The following NCALD variants were observed in gnomAD, a reference collection of about 807,000 sequenced individuals.
NCALD encodes the protein neurocalcin-delta.
A neutral mutation model predicts 18.6 loss-of-function variants in NCALD; 10 were observed. The observed-to-expected ratio is 0.54, with a 90% CI of 0.33 to 0.91. The LOEUF (loss-of-function observed/expected upper bound fraction) is 0.91. Among genes scored for constraint, NCALD ranks in the 40% least tolerant of loss-of-function variants. NCALD has a pLI of 0.03. For missense variants in NCALD, 184 were observed against 247.6 expected (o/e 0.74, Z 1.72); for synonymous variants, 88 against 87.4 (o/e 1.01, Z -0.04).
intron 2 of NCALD, among the ~76,000 whole-genome samples, chr8:101,711,680 G>A (rs891984103): frequency 5.9e-5 from 9 of 151,676 alleles, no homozygotes; most frequent in African/African-American, 2.2e-4. Flanking sequence ...AGAGATTAAG[G>A]GTCAACTTAA....
chr8:101,720,934 C>T (rs866043088), intron 1 of NCALD, among the ~76,000 whole-genome samples: 2 of 152,208 alleles, frequency 1.3e-5, no homozygotes, highest in Middle Eastern at 3.4e-3. Context: ...ATGGTGGTAA[C>T]AGTGAGGGGA....
intron 1 of NCALD, among the ~76,000 whole-genome samples, chr8:102,098,247 G>C (rs1825167341): frequency 6.6e-6 from 1 of 152,034 alleles, no homozygotes; most frequent in Admixed American, 6.5e-5. Context: ...GCTTCTAGAT[G>C]GGCTGGGGTA....
intron 2 of NCALD, among the ~76,000 whole-genome samples, chr8:102,017,106 T>C (rs1822109703): frequency 6.6e-6 from 1 of 152,140 alleles, no homozygotes; most frequent in Admixed American, 6.5e-5. Flanking sequence ...AAAAAGATCA[T>C]GCAAGAGCTG....
chr8:101,773,855 T>C (rs1811685593), intron 1 of NCALD, among the ~76,000 whole-genome samples: 1 of 152,218 alleles, frequency 6.6e-6, no homozygotes, highest in African/African-American at 2.4e-5. Flanking sequence ...TTAAGAATCA[T>C]GGACACGACT....
At chr8:102,009,285 T>C (rs1821823424) in intron 2 of NCALD, among the ~76,000 whole-genome samples, 2 of 152,226 alleles carry the variant, frequency 1.3e-5, no homozygotes, top group South Asian at 4.1e-4. Flanking sequence ...TAAAAAGCAA[T>C]CCTTTCAAAG....
chr8:102,051,304 T>C (rs1215384725), intron 1 of NCALD, among the ~76,000 whole-genome samples: 1 of 152,104 alleles, frequency 6.6e-6, no homozygotes, highest in Non-Finnish European at 1.5e-5. Context: ...AAAATGCAGC[T>C]AGTAACTCCT....
At chr8:101,857,782 A>G (rs945835084) in intron 4 of NCALD, among the ~76,000 whole-genome samples, 3 of 152,224 alleles carry the variant, frequency 2.0e-5, no homozygotes, top group African/African-American at 7.2e-5. Context: ...AAAGCAATGA[A>G]TAAGGTGGCC....
chr8:101,792,750 A>G (rs1181548114), upstream of NCALD, among the ~76,000 whole-genome samples: 2 of 152,208 alleles, frequency 1.3e-5, no homozygotes, highest in African/African-American at 2.4e-5. Flanking sequence ...TGAGCTGCTT[A>G]ATTTACCATC....
intron 3 of NCALD, among the ~76,000 whole-genome samples, chr8:101,904,864 CA>C (rs1023087396): frequency 6.6e-6 from 1 of 152,126 alleles, no homozygotes; most frequent in Non-Finnish European, 1.5e-5. Context: ...TGTGGTAGTG[CA>C]ACATCCTGGT....
At chr8:101,690,479 G>C in intron 3 of NCALD, 1 of 985,410 alleles carries the variant, frequency 1.0e-6, no homozygotes. Context: ...GCACGTCCTT[G>C]GACTCTCACG....
intron 2 of NCALD, among the ~76,000 whole-genome samples, chr8:101,710,685 C>T (rs1177932255): frequency 6.6e-6 from 1 of 152,250 alleles, no homozygotes; most frequent in Non-Finnish European, 1.5e-5. Context: ...CGCAGCACCA[C>T]AAAGTTGCTG....
In NCALD at chr8:101,689,864, C is replaced by T. The variant is rs916821104; in HGVS notation, c.485-458G>A. The stretch of plus-strand genomic sequence containing the variant: ...TTCCCTGGAGCCTTCTGAGCCACTT[C>T]GTGTTCTTCAGGCCACTCTGTGTTC... On this transcript the variant is annotated intron_variant, in intron 3 of 3. Transcript: ENST00000220931. This position sits in a 1 kb window ranked among gnomAD's most constrained non-coding sequence, Gnocchi z 4.4. Among the ~76,000 whole-genome samples the T allele has an allele frequency of 4.6e-5, 7 of 152,222 alleles. No homozygotes were observed. Among genetic ancestry groups the T allele is most frequent in the Admixed American group, 1.3e-4 (2 of 15,284 alleles).
intron 1 of NCALD, among the ~76,000 whole-genome samples, chr8:102,041,093 C>T (rs186023590): frequency 1.1e-4 from 16 of 152,304 alleles, no homozygotes; most frequent in Admixed American, 1.0e-3. Context: ...AAGAACAACT[C>T]TTACTGGTAG....
At chr8:102,018,184 A>G (rs1822153577) in intron 2 of NCALD, among the ~76,000 whole-genome samples, 1 of 152,220 alleles carries the variant, frequency 6.6e-6, no homozygotes, top group African/African-American at 2.4e-5. Flanking sequence ...GATTTTTAAA[A>G]ATAGTGTTTA....
intron 1 of NCALD, among the ~76,000 whole-genome samples, chr8:101,733,035 C>T (rs1816913067): frequency 6.6e-6 from 1 of 152,156 alleles, no homozygotes; most frequent in Non-Finnish European, 1.5e-5. Flanking sequence ...TCATGCAACT[C>T]ACGGTCCCAG....
At chr8:102,080,671 A>G (rs1019025485) in intron 1 of NCALD, among the ~76,000 whole-genome samples, 4 of 152,238 alleles carry the variant, frequency 2.6e-5, no homozygotes, top group African/African-American at 9.6e-5. Flanking sequence ...AACCTCTGGG[A>G]ACGCTAAATG....
At chr8:101,871,475 C>T (rs548079756) in intron 4 of NCALD, among the ~76,000 whole-genome samples, 1 of 152,262 alleles carries the variant, frequency 6.6e-6, no homozygotes, top group Admixed American at 6.5e-5. Context: ...GAACCCAACA[C>T]AGTTCCCCTC....
chr8:101,691,622 G>A (rs1814731064), intron 3 of NCALD: 1 of 985,272 alleles, frequency 1.0e-6, no homozygotes, highest in Non-Finnish European at 1.2e-6. Context: ...TGCTTGTTTA[G>A]TCACAACTAT....
intron 2 of NCALD, among the ~76,000 whole-genome samples, chr8:102,004,561 C>T (rs1160599018): frequency 4.6e-5 from 7 of 152,034 alleles, no homozygotes; most frequent in South Asian, 2.1e-4. Context: ...AAAAAGAGCC[C>T]GCATCGCCAA....
Sources: allele counts gnomAD v4.1 joint callset (sites outside exome capture counted in the v4.1 genomes callset), GRCh38; gene constraint gnomAD v4.1.1; non-coding constraint Gnocchi (gnomAD v3.1); transcripts MANE v1.5; gene names NCBI Gene and HGNC (gene_info 2026-07-23, HGNC 2026-07-21).